The following SCOC variants were observed in gnomAD, a reference collection of about 807,000 sequenced individuals.
SCOC encodes the protein short coiled-coil protein, also known as short coiled coil protein.
In SCOC, 7 loss-of-function variants were observed where a neutral mutation model predicts 9.9. The ratio of observed to expected loss-of-function variants is 0.71; its 90% CI spans 0.40 to 1.33. The LOEUF (loss-of-function observed/expected upper bound fraction) is 1.33, where lower values mean the gene tolerates loss of function less well. SCOC is among the 40% of genes most tolerant of loss of function. The pLI is 0.01. For missense variants in SCOC, 66 were observed against 89.7 expected, an observed-to-expected ratio of 0.74 and a Z score of 1.07; for synonymous variants, 19 against 28.2, an observed-to-expected ratio of 0.67 and a Z score of 1.03.
In SCOC at chr4:140,382,725, T is replaced by C. The variant is rs1208294884; in HGVS notation, c.*1621T>C. 1 of 152,640 alleles carries C rather than the reference T, an allele frequency of 6.6e-6. No homozygotes were observed. The highest frequency in any genetic ancestry group is 1.5e-5 in the Non-Finnish European group (1 of 68,042). 9.5% of individuals were successfully genotyped at this position (152,640 alleles called of 1,614,324 possible). ...AACTATAACTGGTTATCAATATAAA[T>C]ATCATAGGCTATTATACATTAATTT... On this transcript the variant is annotated 3_prime_UTR_variant, in exon 4 of 4. Transcript: ENST00000608372.
chr4:140,262,804 C>T (rs796536280), intron 1 of SCOC, among the ~76,000 whole-genome samples: 1 of 150,636 alleles, frequency 6.6e-6, no homozygotes, highest in African/African-American at 2.5e-5. Context: ...GAACCTCTTA[C>T]ATGGCAGCAG....
In SCOC at chr4:140,379,130, C is replaced by G; in HGVS notation, c.-41C>G. 5.6e-6 allele frequency: 9 copies of G among 1,597,172 alleles called. No homozygotes were observed. Among genetic ancestry groups the G allele is most frequent in the Non-Finnish European group, 7.7e-6 (9 of 1,164,888 alleles). The stretch of plus-strand genomic sequence containing the variant: ...ATTTTTCTTATTGTAGACCATTCCT[C>G]AAGAATTTTGTATCCAAGGCCCAAA... On this transcript the variant is annotated 5_prime_UTR_variant, in exon 2 of 4. Transcript: ENST00000608372.
At chr4:140,345,684 TCTTA>T (rs1726707544) in intron 2 of SCOC, among the ~76,000 whole-genome samples, 1 of 152,192 alleles carries the variant, frequency 6.6e-6, no homozygotes, top group African/African-American at 2.4e-5. Flanking sequence ...TAGTTCAATT[TCTTA>T]CTTTTCTTTT....
At chr4:140,259,349 G>C (rs151152534) in intron 1 of SCOC, among the ~76,000 whole-genome samples, 1 of 152,288 alleles carries the variant, frequency 6.6e-6, no homozygotes, top group African/African-American at 2.4e-5. Flanking sequence ...ACCCTAGTTA[G>C]ACTCTTTTTA....
intron 1 of SCOC, chr4:140,314,665 C>T (rs898712341): frequency 6.6e-6 from 1 of 152,198 alleles, no homozygotes; most frequent in African/African-American, 2.4e-5. Flanking sequence ...CAGGCAGATT[C>T]TCTCTTTTGC....
At chr4:140,260,725 G>A (rs1022776468) in intron 1 of SCOC, among the ~76,000 whole-genome samples, 1 of 152,236 alleles carries the variant, frequency 6.6e-6, no homozygotes, top group African/African-American at 2.4e-5. Context: ...TCATTCTGGA[G>A]TGGGGACACA....
chr4:140,373,680 G>T lies in SCOC; in HGVS notation c.-88G>T. 5.8e-6 allele frequency: 9 copies of T among 1,550,708 alleles called. No homozygotes were observed. Among genetic ancestry groups the T allele is most frequent in the Non-Finnish European group, 7.0e-6 (8 of 1,146,912 alleles). The stretch of plus-strand genomic sequence containing the variant: ...TCCAAGTGTCCCGGCCTGAGGTGTC[G>T]GCCGGATCCCTCCTTCTCCCGGCGC... On this transcript the variant is annotated 5_prime_UTR_variant, in exon 1 of 4. Transcript: ENST00000608372.
At chr4:140,281,205 C>T (rs1485502073) in intron 1 of SCOC, among the ~76,000 whole-genome samples, 1 of 151,470 alleles carries the variant, frequency 6.6e-6, no homozygotes, top group Non-Finnish European at 1.5e-5. Flanking sequence ...GTGGCACTCA[C>T]CTAGGTTTTT....
At chr4:140,277,812 G>A (rs1051677012) in intron 1 of SCOC, among the ~76,000 whole-genome samples, 3 of 152,190 alleles carry the variant, frequency 2.0e-5, no homozygotes, top group Admixed American at 2.0e-4. Flanking sequence ...TCTAGGGAAA[G>A]GCCCAAATGG....
At chr4:140,271,821 G>A (rs1424159798) in intron 1 of SCOC, among the ~76,000 whole-genome samples, 1 of 152,052 alleles carries the variant, frequency 6.6e-6, no homozygotes, top group Non-Finnish European at 1.5e-5. Flanking sequence ...AATCAAACAG[G>A]GTCTCTGCCA....
Position 140,300,305 on chromosome 4 carries a change from T to C in SCOC, c.-19+42895T>C, listed in dbSNP as rs145142478. Among the ~76,000 whole-genome samples, 30 of 152,286 alleles carry C rather than the reference T, an allele frequency of 2.0e-4. No individual in the cohort carries two copies. In the East Asian group the frequency reaches 4.6e-3, roughly 24 times the overall value. ...GCCTCCCTCACTTCCTCGCTCCCCT[T>C]CCTGATCTCAGTCTGCCCTGCTCAG... On this transcript the variant is annotated intron_variant, in intron 1 of 4. Transcript: ENST00000394205.
At chr4:140,293,371 G>A in intron 1 of SCOC, 1 of 456,956 alleles carries the variant, frequency 2.2e-6, no homozygotes, top group Non-Finnish European at 4.4e-6. Context: ...TGTGTCTTCT[G>A]AGCAGGGCAC....
In SCOC at chr4:140,384,682, A is replaced by G. The variant is rs1293660120; in HGVS notation, c.*3578A>G. ...TACAGTCCTGAGTAAAGTCTTCTTT[A>G]CTGCTTTAACAAGTGTCAGAATGGT... On this transcript the variant is annotated 3_prime_UTR_variant, in exon 4 of 4. Transcript: ENST00000608372. 1 of 152,170 alleles carries G rather than the reference A, an allele frequency of 6.6e-6. No homozygotes were observed. The highest frequency in any genetic ancestry group is 2.4e-5 in the African/African-American group (1 of 41,430). 9.4% of individuals were successfully genotyped at this position (152,170 alleles called of 1,614,324 possible). A position where few individuals can be genotyped will look rare whatever the true frequency, so the allele number is the denominator to read the frequency against.
rs1248915464 is a variant in SCOC, at chr4:140,382,729, A to C, written c.*1625A>C. On this transcript the variant is annotated 3_prime_UTR_variant, in exon 4 of 4. Transcript: ENST00000608372. ...ATAACTGGTTATCAATATAAATATC[A>C]TAGGCTATTATACATTAATTTGGAA... 1 of 152,650 alleles carries C rather than the reference A, an allele frequency of 6.6e-6. No homozygotes were observed. The highest frequency in any genetic ancestry group is 6.5e-5 in the Admixed American group (1 of 15,274). The allele number at this position is 152,650 out of a possible 1,614,324, so 9.5% of individuals were successfully genotyped here.
chr4:140,364,319 G>T (rs1727693910), intron 2 of SCOC, among the ~76,000 whole-genome samples: 1 of 152,036 alleles, frequency 6.6e-6, no homozygotes, highest in African/African-American at 2.4e-5. Context: ...TTTAGGAAGA[G>T]GTTTGGCTTT....
intron 1 of SCOC, among the ~76,000 whole-genome samples, chr4:140,259,400 C>T (rs1730579574): frequency 6.6e-6 from 1 of 152,194 alleles, no homozygotes; most frequent in Admixed American, 6.5e-5. Context: ...TCATTGTCTA[C>T]CTACTGCACA....
intron 1 of SCOC, among the ~76,000 whole-genome samples, chr4:140,377,512 A>C (rs964927624): frequency 1.3e-5 from 2 of 152,210 alleles, no homozygotes; most frequent in Non-Finnish European, 2.9e-5. Context: ...ATTGTATACC[A>C]TTTGTAGTTA....
intron 1 of SCOC, among the ~76,000 whole-genome samples, chr4:140,378,888 A>T (rs1728454397): frequency 6.6e-6 from 1 of 152,104 alleles, no homozygotes; most frequent in Admixed American, 6.6e-5. Context: ...ATCTCCTTTA[A>T]AAATAATAAC....
intron 3 of SCOC, among the ~76,000 whole-genome samples, chr4:140,379,890 A>G (rs1425219302): frequency 6.6e-6 from 1 of 152,180 alleles, no homozygotes. Context: ...GCTGGCTAGT[A>G]TGAGACCCCC....
Sources: allele counts gnomAD v4.1 joint callset (sites outside exome capture counted in the v4.1 genomes callset), GRCh38; gene constraint gnomAD v4.1.1; transcripts MANE v1.5; gene names NCBI Gene and HGNC (gene_info 2026-07-23, HGNC 2026-07-21).